VPS13B: variants seen among roughly 807,000 people sequenced by gnomAD.
The protein encoded by VPS13B is vacuolar protein sorting 13 homolog B.
VPS13B carries 285 observed loss-of-function variants against 426.4 expected under a neutral mutation model. That is an observed-to-expected ratio of 0.67 (90% CI 0.61 to 0.74). VPS13B has a LOEUF of 0.74. VPS13B is among the 30% of genes least tolerant of loss of function. The pLI, the probability that VPS13B is intolerant of heterozygous loss-of-function variation, is 0.00. For synonymous variants in VPS13B, 1,676 were observed against 1,676.4 expected (o/e 1.00, Z 0.01); for missense variants, 4,537 against 4,782.6 (o/e 0.95, Z 1.51).
At chr8:99,837,336 A>C (rs1588767109) in intron 54 of VPS13B, among the ~76,000 whole-genome samples, 1 of 151,662 alleles carries the variant, frequency 6.6e-6, no homozygotes, top group Non-Finnish European at 1.5e-5. Context: ...AACAGTGAAA[A>C]CCCGCGGGAT....
chr8:99,266,271 G>A (rs983849226), intron 17 of VPS13B, among the ~76,000 whole-genome samples: 3 of 151,940 alleles, frequency 2.0e-5, no homozygotes, highest in African/African-American at 4.8e-5. Context: ...AAAAACAGGT[G>A]TGATAGAGTA....
chr8:99,547,936 A>C (rs1161149018), intron 30 of VPS13B, among the ~76,000 whole-genome samples: 1 of 152,146 alleles, frequency 6.6e-6, no homozygotes, highest in East Asian at 1.9e-4. Flanking sequence ...TTTTAGAAGT[A>C]TGTGAAGTTG....
Position 99,431,578 on chromosome 8 carries a change from A to G in VPS13B, c.3124A>G (p.Ile1042Val). 2 of 1,613,570 alleles carry G rather than the reference A, an allele frequency of 1.2e-6. No individual in the cohort carries two copies. The highest frequency in any genetic ancestry group is 1.7e-6 in the Non-Finnish European group (2 of 1,179,766). The change falls in exon 22 of 62, where the codon ATA (isoleucine) becomes GTA (valine). Residue 1042 changes from isoleucine to valine, a missense_variant. By Grantham distance (29) the Ile-to-Val change is conservative (BLOSUM62 3). Around this residue, in one of 2 missense-constraint regions of VPS13B, gnomAD observed 4,311 missense variants for 4,474.3 expected, o/e 0.96. Transcript: ENST00000357162. ...AGTTCCTGTTAAAGCCATGTTGAATATATCTGAAAGCTGTAGAAGTCCTGA... is the reference window on the plus strand; with the variant it reads ...AGTTCCTGTTAAAGCCATGTTGAATGTATCTGAAAGCTGTAGAAGTCCTGA... Reference protein sequence around the residue: ...LSVPVKAMLNISESCRSPEER... With the variant: ...LSVPVKAMLNVSESCRSPEER...
At chr8:99,044,364 T>C (rs112404002) in intron 3 of VPS13B, among the ~76,000 whole-genome samples, 2,058 of 152,128 alleles carry the variant, frequency 0.014, 42 homozygotes, top group African/African-American at 0.047. Context: ...ATTACAGGCT[T>C]GAGCCACCGC....
intron 17 of VPS13B, among the ~76,000 whole-genome samples, chr8:99,201,592 T>C (rs1260170981): frequency 6.6e-6 from 1 of 152,168 alleles, no homozygotes; most frequent in Non-Finnish European, 1.5e-5. Flanking sequence ...TTTAAGAGAA[T>C]ATCTGTGGAT....
At chr8:99,022,367 T>A (rs2132156160) in intron 2 of VPS13B, among the ~76,000 whole-genome samples, 1 of 152,252 alleles carries the variant, frequency 6.6e-6, no homozygotes, top group Admixed American at 6.5e-5. Context: ...TCTTTAATTA[T>A]TGGGTTATTA....
intron 27 of VPS13B, 58 bp downstream of exon 27, chr8:99,503,008 A>G: frequency 3.8e-6 from 5 of 1,304,942 alleles, no homozygotes; most frequent in Non-Finnish European, 3.3e-6. Flanking sequence ...CAAAGTTACC[A>G]TAAGACTTTT....
chr8:99,812,730 T>C (rs1813783219), intron 44 of VPS13B, among the ~76,000 whole-genome samples: 1 of 152,228 alleles, frequency 6.6e-6, no homozygotes, highest in African/African-American at 2.4e-5. Flanking sequence ...ATCTCAAATG[T>C]ACACATGTAT....
At position 99,820,664 on chromosome 8, in the gene VPS13B, C is replaced by T. The variant is rs181573905; in HGVS notation, c.8994+542C>T. On this transcript the variant is annotated intron_variant, in intron 49 of 61. Coordinates refer to ENST00000357162, the MANE Select transcript of VPS13B (RefSeq NM_152564.5). ...AACCTAATTGCAAAACAAAATATCG[C>T]AGGAAAATTTTATATTTCTGTCACA... 4.3e-3 allele frequency among the ~76,000 whole-genome samples: 655 copies of T among 152,100 alleles called. 7 individuals are homozygous for T. Among genetic ancestry groups the T allele is most frequent in the African/African-American group, 0.015 (631 of 41,502 alleles).
At chr8:99,845,242 A>G (rs891206176) in intron 54 of VPS13B, among the ~76,000 whole-genome samples, 12 of 152,142 alleles carry the variant, frequency 7.9e-5, no homozygotes, top group African/African-American at 2.9e-4. Context: ...CCTCTTGTTC[A>G]TGCTAAATGC....
chr8:99,441,090 C>G (rs558586636), intron 22 of VPS13B, among the ~76,000 whole-genome samples: 5 of 152,070 alleles, frequency 3.3e-5, no homozygotes, highest in African/African-American at 4.8e-5. Context: ...CACACATGTA[C>G]TTTATCTAAT....
chr8:99,630,373 G>A lies in VPS13B; in HGVS notation c.5221-11438G>A, dbSNP rs575952977. ...GTGTCTTTTTTGTGTGTTTCCCTAA[G>A]CCTCATTGTCTCTACTGCCATTTCA... is the stretch of plus-strand genomic sequence containing the variant. On this transcript the variant is annotated intron_variant, in intron 33 of 61. Transcript: ENST00000357162. Among the ~76,000 whole-genome samples the A allele has an allele frequency of 2.0e-5, 3 of 151,872 alleles. No individual in the cohort carries two copies. In the South Asian group the frequency reaches 6.3e-4, roughly 32 times the overall value.
intron 43 of VPS13B, among the ~76,000 whole-genome samples, chr8:99,805,193 T>G (rs1297303744): frequency 2.0e-5 from 3 of 151,660 alleles, no homozygotes; most frequent in Non-Finnish European, 4.4e-5. Context: ...AATCTCCAGT[T>G]TCTGTTTAGA....
At chr8:99,851,445 C>T (rs78015596) in intron 55 of VPS13B, among the ~76,000 whole-genome samples, 87 of 152,218 alleles carry the variant, frequency 5.7e-4, no homozygotes, top group African/African-American at 1.8e-3. Context: ...GGTCAGCATT[C>T]TACAGGGATG....
At chr8:99,085,610 A>C (rs1052218420) in intron 3 of VPS13B, among the ~76,000 whole-genome samples, 1 of 152,218 alleles carries the variant, frequency 6.6e-6, no homozygotes, top group Admixed American at 6.5e-5. Flanking sequence ...TTCCATGTTT[A>C]GTGCTTCCTT....
At chr8:99,517,826 A>C (rs946240953) in intron 29 of VPS13B, among the ~76,000 whole-genome samples, 28 of 152,248 alleles carry the variant, frequency 1.8e-4, no homozygotes, top group Middle Eastern at 3.4e-3. Flanking sequence ...TACAGGTGAA[A>C]TAACCCAAAA....
At chr8:99,172,318 A>AACAT (rs1253590950) in intron 16 of VPS13B, among the ~76,000 whole-genome samples, 3 of 152,268 alleles carry the variant, frequency 2.0e-5, no homozygotes, top group Non-Finnish European at 4.4e-5. Context: ...AGTCATGGAA[A>AACAT]ACATGGAGGG....
chr8:99,467,699 T>G, intron 24 of VPS13B, 65 bp downstream of exon 24: 1 of 1,527,870 alleles, frequency 6.5e-7, no homozygotes, highest in South Asian at 1.1e-5. Context: ...TTGTTATCCA[T>G]TTTGTTGAAG....
At chr8:99,095,092 C>T (rs538061471) in intron 3 of VPS13B, among the ~76,000 whole-genome samples, 8 of 152,282 alleles carry the variant, frequency 5.3e-5, no homozygotes, top group African/African-American at 1.9e-4. Context: ...TCCATGGTAA[C>T]TTCTCATTCA....
Sources: allele counts gnomAD v4.1 joint callset (sites outside exome capture counted in the v4.1 genomes callset), GRCh38; gene constraint gnomAD v4.1.1; regional missense constraint gnomAD v4.1.1; transcripts MANE v1.5; gene names NCBI Gene and HGNC (gene_info 2026-07-23, HGNC 2026-07-21).